Variants in SLC44A2 observed in about 807,000 individuals in gnomAD.
SLC44A2 encodes solute carrier family 44 member 2 (CTL2 blood group).
SLC44A2 carries 57 observed loss-of-function variants against 90.8 expected under a neutral mutation model. The observed-to-expected ratio is 0.63, with a 90% confidence interval of 0.51 to 0.78. The LOEUF (loss-of-function observed/expected upper bound fraction) is 0.78. Ranked by LOEUF, SLC44A2 falls within the 30% of genes least tolerant of loss-of-function variation. SLC44A2 has a pLI of 0.00. For missense variants in SLC44A2, 794 were observed against 919.7 expected, an observed-to-expected ratio of 0.86 and a Z score of 1.77; for synonymous variants, 355 against 360.7, an observed-to-expected ratio of 0.98 and a Z score of 0.18.
chr19:10,636,124 C>T, intron 14 of SLC44A2, 199 bp from the exon 15 acceptor site: 1 of 641,404 alleles, frequency 1.6e-6, no homozygotes, highest in Non-Finnish European at 2.6e-6. Flanking sequence ...TTCTTGACCC[C>T]AGTGATGGCC....
intron 10 of SLC44A2, among the ~76,000 whole-genome samples, chr19:10,633,387 G>A (rs771118025): frequency 9.9e-5 from 15 of 151,328 alleles, no homozygotes; most frequent in South Asian, 6.3e-4. Flanking sequence ...GGCTGGTCTC[G>A]ACTTCCTCGT....
chr19:10,616,831 C>T (rs1344371631), intron 1 of SLC44A2, among the ~76,000 whole-genome samples: 1 of 152,142 alleles, frequency 6.6e-6, no homozygotes, highest in African/African-American at 2.4e-5. Context: ...CCGCCTGTAA[C>T]TCCTGGGCTC....
At chr19:10,602,543 C>T in exon 1 of SLC44A2, 1 of 1,280,090 alleles carries the variant, frequency 7.8e-7, no homozygotes, top group Non-Finnish European at 9.9e-7. Context: ...GGAGGACGAG[C>T]GGAAAAACGG....
chr19:10,618,267 C>T (rs571788501), intron 1 of SLC44A2, among the ~76,000 whole-genome samples: 36 of 150,916 alleles, frequency 2.4e-4, no homozygotes, highest in African/African-American at 6.3e-4. Flanking sequence ...CTCCACCTCC[C>T]GGGTTCACGC....
At chr19:10,632,536 C>CA (rs1175919247) in intron 10 of SLC44A2, among the ~76,000 whole-genome samples, 4,415 of 73,260 alleles carry the variant, frequency 0.06, 90 homozygotes, top group Middle Eastern at 0.16. Flanking sequence ...AACTCCATCT[C>CA]AAAAAAAAAA....
At chr19:10,623,292 A>G (rs561294373), upstream of SLC44A2, among the ~76,000 whole-genome samples, 7 of 152,092 alleles carry the variant, frequency 4.6e-5, no homozygotes, top group South Asian at 1.5e-3. Context: ...GCTGGTGGCT[A>G]CTAGGAGGAG....
intron 4 of SLC44A2, 135 bp downstream of exon 4, chr19:10,628,139 CTT>C: frequency 3.9e-6 from 3 of 772,154 alleles, no homozygotes; most frequent in Non-Finnish European, 6.4e-6. Context: ...AATTCCAACA[CTT>C]TGGGAGGCCG....
chr19:10,640,345 C>A (rs2067102586), intron 20 of SLC44A2, among the ~76,000 whole-genome samples: 1 of 152,178 alleles, frequency 6.6e-6, no homozygotes, highest in Admixed American at 6.6e-5. Context: ...CCCACCTCGG[C>A]CTTCCAAAGT....
At chr19:10,605,170 C>T (rs1599564923) in intron 1 of SLC44A2, among the ~76,000 whole-genome samples, 1 of 151,970 alleles carries the variant, frequency 6.6e-6, no homozygotes, top group Non-Finnish European at 1.5e-5. Flanking sequence ...ATCACGAGGT[C>T]AGGAGATCGA....
chr19:10,624,544 C>G (rs1165852919), upstream of SLC44A2, among the ~76,000 whole-genome samples: 1 of 152,246 alleles, frequency 6.6e-6, no homozygotes, highest in Non-Finnish European at 1.5e-5. Context: ...CGACCTGCCT[C>G]AGCCTCCCAG....
At chr19:10,632,385 A>C (rs2067006815) in intron 10 of SLC44A2, among the ~76,000 whole-genome samples, 1 of 151,568 alleles carries the variant, frequency 6.6e-6, no homozygotes, top group African/African-American at 2.4e-5. Flanking sequence ...AAAAATACAA[A>C]ATCAGCCGGG....
chr19:10,643,716 C>G lies in SLC44A2; in HGVS notation c.*331C>G. 4.0e-6 allele frequency: 1 copy of G among 248,640 alleles called. No homozygotes were observed. 15.4% of individuals were successfully genotyped at this position (248,640 alleles called of 1,614,324 possible). On this transcript the variant is annotated 3_prime_UTR_variant, in exon 22 of 22. Coordinates refer to ENST00000335757, the MANE Select transcript of SLC44A2 (RefSeq NM_020428.4). Reference sequence around the variant, plus strand: ...GTCCCCCGCTTACACGACAACGGGCCAGACCACAGGAAGGACGGTGTTTGT... The same window carrying G: ...GTCCCCCGCTTACACGACAACGGGCGAGACCACAGGAAGGACGGTGTTTGT...
Position 10,631,256 on chromosome 19 carries a change from C to A in SLC44A2, c.331-19C>A. ...AGTCTGCCCCAACTCCACCCAATCC[C>A]TTCCTTCTCCCCTCCCAGATCTGCG... On this transcript the variant is annotated intron_variant, in intron 5 of 21. Transcript: ENST00000335757. 6.2e-7 allele frequency: 1 copy of A among 1,613,374 alleles called. No individual in the cohort carries two copies. The highest frequency in any genetic ancestry group is 8.5e-7 in the Non-Finnish European group (1 of 1,179,352).
At chr19:10,642,166 A>T (rs2067123246) in intron 20 of SLC44A2, among the ~76,000 whole-genome samples, 1 of 151,966 alleles carries the variant, frequency 6.6e-6, no homozygotes, top group Non-Finnish European at 1.5e-5. Flanking sequence ...CAAAAAAAAA[A>T]AAAAAAGACG....
upstream of SLC44A2, chr19:10,625,364 C>T (rs1356223957): frequency 1.2e-6 from 1 of 859,454 alleles, no homozygotes; most frequent in Non-Finnish European, 1.5e-6. Flanking sequence ...GGTGAAGCCG[C>T]AGGGTTCCCG....
intron 1 of SLC44A2, among the ~76,000 whole-genome samples, chr19:10,610,631 C>CTTTT (rs56002726): frequency 4.2e-4 from 20 of 48,010 alleles, no homozygotes; most frequent in Non-Finnish European, 5.1e-4. Context: ...CCGCGCCTGG[C>CTTTT]TTTTTTTTTT....
At chr19:10,618,246 T>C in intron 1 of SLC44A2, among the ~76,000 whole-genome samples, 1 of 127,580 alleles carries the variant, frequency 7.8e-6, no homozygotes, top group Non-Finnish European at 1.7e-5. Flanking sequence ...GTAGTCTCGG[T>C]TTACTTCAAG....
intron 3 of SLC44A2, 49 bp from the exon 4 acceptor site, chr19:10,627,871 C>A (rs2066950942): frequency 6.2e-7 from 1 of 1,610,920 alleles, no homozygotes; most frequent in Admixed American, 1.7e-5. Flanking sequence ...GGGAACAGGG[C>A]TGGATCTGAG....
intron 20 of SLC44A2, among the ~76,000 whole-genome samples, chr19:10,641,936 G>A (rs2067120551): frequency 1.3e-5 from 2 of 152,092 alleles, no homozygotes; most frequent in Non-Finnish European, 2.9e-5. Flanking sequence ...GAGGCAGGTG[G>A]ATCACCTGAA....
Sources: allele counts gnomAD v4.1 joint callset (sites outside exome capture counted in the v4.1 genomes callset), GRCh38; gene constraint gnomAD v4.1.1; transcripts MANE v1.5; gene names NCBI Gene and HGNC (gene_info 2026-07-23, HGNC 2026-07-21).